PRKDC: variants seen among roughly 807,000 people sequenced by gnomAD.
PRKDC encodes DNA-dependent protein kinase catalytic subunit.
PRKDC carries 82 observed loss-of-function variants against 486.9 expected under a neutral mutation model. The ratio of observed to expected loss-of-function variants is 0.17; its 90% CI spans 0.14 to 0.20. The LOEUF is 0.20. PRKDC is among the 10% of genes least tolerant of loss of function. PRKDC has a pLI of 1.00. For synonymous variants in PRKDC, 1,895 were observed against 1,837.0 expected, an observed-to-expected ratio of 1.03 and a Z score of -0.81; for missense variants, 4,504 against 5,038.2, an observed-to-expected ratio of 0.89 and a Z score of 3.21.
chr8:47,943,842 C>T lies in PRKDC; in HGVS notation c.808+11G>A, dbSNP rs754302992. The T allele has an allele frequency of 6.4e-7, 1 of 1,572,142 alleles. No individual in the cohort carries two copies. Among genetic ancestry groups the T allele is most frequent in the Non-Finnish European group, 8.7e-7 (1 of 1,153,754 alleles). On this transcript the variant is annotated intron_variant, in intron 9 of 85. Coordinates refer to ENST00000314191, the MANE Select transcript of PRKDC (RefSeq NM_006904.7). ...CTAAAATATTATACCTCATTATAAA[C>T]AGAATCCTACCTGAGGGCACAGCAT...
At chr8:47,897,640 G>T (rs1458991544) in intron 29 of PRKDC, among the ~76,000 whole-genome samples, 1 of 152,114 alleles carries the variant, frequency 6.6e-6, no homozygotes, top group Non-Finnish European at 1.5e-5. Context: ...CATTACCTGT[G>T]CACTTGTTAT....
Position 47,930,108 on chromosome 8 carries a change from T to A in PRKDC, c.1893-96A>T, listed in dbSNP as rs200178709. ...ATCGAACAACTAAGCTACAAACCCA[T>A]CACGTAACATTTTGAGGTATCCTAA... On this transcript the variant is annotated intron_variant, in intron 17 of 85. Transcript: ENST00000314191. 80 of 1,061,916 alleles carry A rather than the reference T, an allele frequency of 7.5e-5. No individual in the cohort carries two copies. In the East Asian group the frequency reaches 1.5e-3, roughly 20 times the overall value. The allele number at this position is 1,061,916 out of a possible 1,614,324, so 65.8% of individuals were successfully genotyped here. A position where few individuals can be genotyped will look rare whatever the true frequency, so the allele number is the denominator to read the frequency against.
At chr8:47,885,858 C>A in intron 36 of PRKDC, 86 bp downstream of exon 36, 1 of 1,371,406 alleles carries the variant, frequency 7.3e-7, no homozygotes, top group Non-Finnish European at 1.0e-6. Context: ...TGCCACTGCA[C>A]TCCAGCCTGG....
chr8:47,893,507 C>T, intron 30 of PRKDC, 120 bp from the exon 31 acceptor site: 3 of 1,037,838 alleles, frequency 2.9e-6, no homozygotes, highest in Non-Finnish European at 3.9e-6. Flanking sequence ...ACGCATTCAA[C>T]TTGTTTCACT....
chr8:47,890,605 GAAAC>G (rs1163006619), intron 31 of PRKDC, 125 bp from the exon 32 acceptor site: 2 of 603,802 alleles, frequency 3.3e-6, no homozygotes, highest in East Asian at 5.7e-5. Context: ...TTTTTCAAAA[GAAAC>G]AAACAGCTTA....
intron 78 of PRKDC, among the ~76,000 whole-genome samples, 153 bp downstream of exon 78, chr8:47,783,589 C>CAAAAAAA (rs373789511): frequency 7.2e-6 from 1 of 139,290 alleles, no homozygotes. Flanking sequence ...GACTCCGTCT[C>CAAAAAAA]AAAAAAAAAA....
chr8:47,828,415 T>A, intron 61 of PRKDC, 68 bp from the exon 62 acceptor site: 1 of 1,315,694 alleles, frequency 7.6e-7, no homozygotes, highest in Non-Finnish European at 1.0e-6. Context: ...ACCAATACTA[T>A]CAGAGCTTGG....
chr8:47,835,969 T>C (rs964010753), intron 58 of PRKDC, among the ~76,000 whole-genome samples: 2 of 152,182 alleles, frequency 1.3e-5, no homozygotes, highest in Admixed American at 6.5e-5. Flanking sequence ...AGTCTTTCCA[T>C]GTTGCCCAGG....
At chr8:47,925,933 T>C (rs1272555807) in intron 21 of PRKDC, among the ~76,000 whole-genome samples, 1 of 152,224 alleles carries the variant, frequency 6.6e-6, no homozygotes, top group Non-Finnish European at 1.5e-5. Context: ...CTAACTTCTG[T>C]CTCTAACATG....
chr8:47,864,660 A>T lies in PRKDC; in HGVS notation c.5467T>A (p.Ser1823Thr), dbSNP rs1228013096. 1.4e-5 allele frequency: 22 copies of T among 1,608,712 alleles called. No homozygotes were observed. Among genetic ancestry groups the T allele is most frequent in the Non-Finnish European group, 1.9e-5 (22 of 1,177,678 alleles). ...SFTRQSFVDRSLLTLLWHCSL... is the reference protein window; with the variant it reads ...SFTRQSFVDRTLLTLLWHCSL... Reference sequence around the variant, plus strand: ...CAGTGCCACAGCAGAGTGAGGAGGGAGCGGTCCACAAAGGACTGGCGTGTG... The same window carrying T: ...CAGTGCCACAGCAGAGTGAGGAGGGTGCGGTCCACAAAGGACTGGCGTGTG... Residue 1823 changes from serine to threonine, a missense_variant, in exon 41 of 86, where the codon TCC (serine) becomes ACC (threonine). Around this residue, in one of 6 missense-constraint regions of PRKDC, gnomAD observed 1,969 missense variants for 2,068.9 expected, o/e 0.95. Coordinates refer to ENST00000314191, the MANE Select transcript of PRKDC (RefSeq NM_006904.7).
chr8:47,909,944 A>G (rs1451548026), intron 25 of PRKDC, among the ~76,000 whole-genome samples: 4 of 152,034 alleles, frequency 2.6e-5, no homozygotes, highest in African/African-American at 9.7e-5. Context: ...AGTAATTCTA[A>G]TTTTGCCTTG....
chr8:47,804,420 C>A (rs1314742661), intron 69 of PRKDC, among the ~76,000 whole-genome samples: 1 of 151,484 alleles, frequency 6.6e-6, no homozygotes, highest in South Asian at 2.1e-4. Context: ...CTGCCTCAGT[C>A]TCCCAAGTAC....
At chr8:47,813,503 G>C (rs1451406546) in intron 68 of PRKDC, among the ~76,000 whole-genome samples, 1 of 152,116 alleles carries the variant, frequency 6.6e-6, no homozygotes, top group Non-Finnish European at 1.5e-5. Flanking sequence ...GAAAACCCAT[G>C]CCCAAATAGG....
At chr8:47,861,924 A>C (rs1224188350) in intron 44 of PRKDC, 138 bp downstream of exon 44, 2 of 666,328 alleles carry the variant, frequency 3.0e-6, no homozygotes, top group Non-Finnish European at 5.0e-6. Context: ...CAATTGCCAG[A>C]TTTTATAGAA....
rs1033432546 is a variant in PRKDC, at chr8:47,881,427, G to A, written c.5056C>T (p.Leu1686=). The change falls in exon 38 of 86, where the codon CTA becomes TTA. Residue 1686 remains leucine (L), a synonymous_variant. Coordinates refer to ENST00000314191, the MANE Select transcript of PRKDC (RefSeq NM_006904.7). ...ATTTCACTGTTTACCTTTAAATGTA[G>A]ATCCAGCTTTGTGTCAGCAAGTAGA... ...ISLLADTKLD[L]HLKGQAVTLL... The A allele has an allele frequency of 2.0e-6, 3 of 1,528,606 alleles. No individual in the cohort carries two copies. Among genetic ancestry groups the A allele is most frequent in the African/African-American group, 2.7e-5 (2 of 72,976 alleles). 94.7% of individuals were successfully genotyped at this position (1,528,606 alleles called of 1,614,324 possible).
chr8:47,775,749 G>A (rs2086597377), intron 85 of PRKDC, among the ~76,000 whole-genome samples: 1 of 151,480 alleles, frequency 6.6e-6, no homozygotes, highest in African/African-American at 2.4e-5. Flanking sequence ...TCTTGCTTGT[G>A]CTTTCAGTGT....
chr8:47,935,084 A>C, intron 13 of PRKDC, 26 bp from the exon 14 acceptor site: 1 of 1,427,292 alleles, frequency 7.0e-7, no homozygotes, highest in South Asian at 1.4e-5. Context: ...GAAAACAAAA[A>C]TGAAGGAAAC....
rs772668485 is a variant in PRKDC, at chr8:47,933,125, A to G, written c.1671T>C (p.Ser557=). ...CATAAAGTAAATGATTCAGACTTTC[A>G]CTGGAGGAATTCACAGAGAAAAATG... ...DEAFFSVNSS[S]ESLNHLLYDE... The change falls in exon 16 of 86, where the codon AGT becomes AGC. Residue 557 remains serine, a synonymous_variant. Coordinates refer to ENST00000314191, the MANE Select transcript of PRKDC (RefSeq NM_006904.7). 2 of 1,563,254 alleles carry G rather than the reference A, an allele frequency of 1.3e-6. No individual in the cohort carries two copies. Among genetic ancestry groups the G allele is most frequent in the African/African-American group, 1.4e-5 (1 of 73,460 alleles).
rs1353986681 is a variant in PRKDC, at chr8:47,778,878, T to C, written c.11580-79A>G. 25 of 1,485,058 alleles carry C rather than the reference T, an allele frequency of 1.7e-5. No individual in the cohort carries two copies. The East Asian group carries it at 5.7e-4, about 34-fold the overall frequency. 92.0% of individuals were successfully genotyped at this position (1,485,058 alleles called of 1,614,324 possible). A position where few individuals can be genotyped will look rare whatever the true frequency, so the allele number is the denominator to read the frequency against. On this transcript the variant is annotated intron_variant, in intron 81 of 85. Transcript: ENST00000314191. ...TTTAAATTTTAAAACTTTTTGTTTA[T>C]ATTGAGACTCAAATATCGAATAATC... is the stretch of plus-strand genomic sequence containing the variant.
Sources: allele counts gnomAD v4.1 joint callset (sites outside exome capture counted in the v4.1 genomes callset), GRCh38; gene constraint gnomAD v4.1.1; regional missense constraint gnomAD v4.1.1; transcripts MANE v1.5; gene names NCBI Gene and HGNC (gene_info 2026-07-23, HGNC 2026-07-21).